The following DNAH11 variants were observed in gnomAD, a reference collection of about 807,000 sequenced individuals.
The protein encoded by DNAH11 is axonemal beta dynein heavy chain 11.
A neutral mutation model predicts 526.0 loss-of-function variants in DNAH11; 442 were observed. That is an observed-to-expected ratio of 0.84 (90% CI 0.78 to 0.91). The LOEUF (loss-of-function observed/expected upper bound fraction) is 0.91. DNAH11 is among the 40% of genes least tolerant of loss of function. The pLI, the probability that DNAH11 is intolerant of heterozygous loss-of-function variation, is 0.00. For synonymous variants in DNAH11, 2,461 were observed against 1,935.9 expected (o/e 1.27, Z -7.12); for missense variants, 6,989 against 5,448.7 (o/e 1.28, Z -8.90).
chr7:21,677,287 A>G (rs902449806), intron 30 of DNAH11, among the ~76,000 whole-genome samples: 2 of 151,338 alleles, frequency 1.3e-5, no homozygotes, highest in South Asian at 2.1e-4. Context: ...TTCAAACAAC[A>G]TGAGCTTGCT....
At chr7:21,886,561 A>C (rs1289330688) in intron 76 of DNAH11, among the ~76,000 whole-genome samples, 4 of 152,184 alleles carry the variant, frequency 2.6e-5, no homozygotes, top group Non-Finnish European at 4.4e-5. Context: ...GTCTGGGAGC[A>C]AGTTACCATG....
chr7:21,622,953 C>A (rs1164757178), intron 25 of DNAH11, among the ~76,000 whole-genome samples: 4 of 152,038 alleles, frequency 2.6e-5, no homozygotes, highest in African/African-American at 7.2e-5. Context: ...GCAACAAAAG[C>A]CAAAATTGAC....
intron 62 of DNAH11, among the ~76,000 whole-genome samples, chr7:21,806,986 G>C (rs1789290858): frequency 6.6e-6 from 1 of 152,130 alleles, no homozygotes; most frequent in Non-Finnish European, 1.5e-5. Context: ...AAACTAACCT[G>C]AGTTTAGTAA....
chr7:21,717,245 C>G (rs1414437167), intron 42 of DNAH11, among the ~76,000 whole-genome samples: 1 of 151,864 alleles, frequency 6.6e-6, no homozygotes, highest in Non-Finnish European at 1.5e-5. Context: ...CATGAAACGC[C>G]ATATCAGAGC....
intron 56 of DNAH11, among the ~76,000 whole-genome samples, chr7:21,778,505 C>G (rs1787783338): frequency 6.6e-6 from 1 of 152,104 alleles, no homozygotes. Context: ...TGCAGTCAGG[C>G]AAGGAGCATT....
At chr7:21,820,248 G>A (rs1482598632) in intron 65 of DNAH11, among the ~76,000 whole-genome samples, 1 of 152,138 alleles carries the variant, frequency 6.6e-6, no homozygotes, top group Admixed American at 6.6e-5. Context: ...AGTGTGATAA[G>A]ACACAGACCC....
intron 18 of DNAH11, among the ~76,000 whole-genome samples, chr7:21,602,539 A>G (rs980035587): frequency 1.3e-5 from 2 of 151,250 alleles, no homozygotes; most frequent in Non-Finnish European, 2.9e-5. Context: ...TTCTATGCCA[A>G]TATTGATATT....
intron 53 of DNAH11, 43 bp downstream of exon 53, chr7:21,749,844 CAA>C: frequency 6.2e-7 from 1 of 1,609,364 alleles, no homozygotes; most frequent in Non-Finnish European, 8.5e-7. Flanking sequence ...TCCCCAATGA[CAA>C]ATTATCTGTA....
At chr7:21,769,590 T>G (rs575043253) in intron 55 of DNAH11, among the ~76,000 whole-genome samples, 2 of 152,202 alleles carry the variant, frequency 1.3e-5, no homozygotes, top group African/African-American at 4.8e-5. Flanking sequence ...GTTCAAGTGA[T>G]TCTCCTGCCT....
intron 61 of DNAH11, among the ~76,000 whole-genome samples, chr7:21,799,072 A>G (rs1056697896): frequency 6.6e-6 from 1 of 152,184 alleles, no homozygotes; most frequent in Non-Finnish European, 1.5e-5. Context: ...TGTCCTAGAT[A>G]TTATTCTATA....
intron 6 of DNAH11, among the ~76,000 whole-genome samples, chr7:21,566,727 A>G (rs1371821165): frequency 6.6e-6 from 1 of 152,140 alleles, no homozygotes; most frequent in Non-Finnish European, 1.5e-5. Context: ...TAATGTCTGA[A>G]TGTGACCTAA....
At position 21,564,491 on chromosome 7, in the gene DNAH11, C is replaced by T. The variant is rs1048053821; in HGVS notation, c.1194+94C>T. 14 of 813,664 alleles carry T rather than the reference C, an allele frequency of 1.7e-5. No homozygotes were observed. The African/African-American group carries it at 1.8e-4, about 10-fold the overall frequency. The allele number at this position is 813,664 out of a possible 1,614,324, so 50.4% of individuals were successfully genotyped here. On this transcript the variant is annotated intron_variant, in intron 6 of 81. Coordinates refer to ENST00000409508, the MANE Select transcript of DNAH11 (RefSeq NM_001277115.2). ...AGAATAATCTAGTATACAGTAAGAA[C>T]ACCATCTTTCTTTTTCTTTTTTCAG...
In DNAH11 at chr7:21,880,761, C is replaced by G. The variant is rs374263671; in HGVS notation, c.12255C>G (p.Cys4085Trp). Residue 4085 changes from cysteine to tryptophan, a missense_variant, in exon 75 of 82, where the codon TGC becomes TGG. Physicochemically the swap from Cys to Trp is radical, Grantham distance 215. Coordinates refer to ENST00000409508, the MANE Select transcript of DNAH11 (RefSeq NM_001277115.2). ...TTAAAAGCATCCTTTTTTCTCTCTG[C>G]TACTTCCACGCCTGTGTTGCTGGGA... ...QEFKSILFSL[C>W]YFHACVAGRL... 2 of 1,613,870 alleles carry G rather than the reference C, an allele frequency of 1.2e-6. No homozygotes were observed. The highest frequency in any genetic ancestry group is 2.7e-5 in the African/African-American group (2 of 74,928).
chr7:21,551,473 T>G (rs1373340954), intron 2 of DNAH11, among the ~76,000 whole-genome samples: 1 of 152,204 alleles, frequency 6.6e-6, no homozygotes, highest in Non-Finnish European at 1.5e-5. Context: ...GTCCAGATTT[T>G]TCCAAAAGTG....
chr7:21,886,662 G>GCTCCCACAGACAGTCC (rs60857357), intron 76 of DNAH11, among the ~76,000 whole-genome samples: 5 of 149,838 alleles, frequency 3.3e-5, no homozygotes, highest in Non-Finnish European at 5.9e-5. Context: ...CCCGCGAGGA[G>GCTCCCACAGACAGTCC]CTCCCCTAGC....
At chr7:21,671,296 T>G (rs1382723486) in intron 30 of DNAH11, among the ~76,000 whole-genome samples, 2 of 152,192 alleles carry the variant, frequency 1.3e-5, no homozygotes, top group Non-Finnish European at 2.9e-5. Flanking sequence ...GCCCAGTGTC[T>G]ATTGTCTGTG....
intron 25 of DNAH11, among the ~76,000 whole-genome samples, chr7:21,623,420 A>G (rs1317266122): frequency 1.3e-5 from 2 of 152,226 alleles, no homozygotes; most frequent in African/African-American, 4.8e-5. Context: ...TTCCTCAGGG[A>G]TCTAGAACTA....
rs566806005 is a variant in DNAH11 at position 21,752,203 on chromosome 7, T to C, written c.8940+1839T>C. ...TGTGTATATCTTTCATGCTCAACTTTGCTTGCTTCTACAGGATAAATTCCT... is the reference window on the plus strand; with the variant it reads ...TGTGTATATCTTTCATGCTCAACTTCGCTTGCTTCTACAGGATAAATTCCT... On this transcript the variant is annotated intron_variant, in intron 54 of 81. Coordinates refer to ENST00000409508, the MANE Select transcript of DNAH11 (RefSeq NM_001277115.2). Among the ~76,000 whole-genome samples the C allele has an allele frequency of 3.9e-5, 6 of 152,380 alleles. No homozygotes were observed. The East Asian group carries it at 5.8e-4, about 15-fold the overall frequency.
intron 54 of DNAH11, among the ~76,000 whole-genome samples, chr7:21,757,396 C>G (rs1786685765): frequency 6.6e-6 from 1 of 152,008 alleles, no homozygotes; most frequent in African/African-American, 2.4e-5. Context: ...GCAGTTTATC[C>G]TATCCGTTTT....
Sources: gnomAD v4.1 joint callset for allele counts (sites outside exome capture counted in the v4.1 genomes callset) on GRCh38, gnomAD v4.1.1 for gene constraint, MANE v1.5 for transcripts, NCBI Gene and HGNC (gene_info 2026-07-23, HGNC 2026-07-21) for gene names.